The following SEMA6B variants were observed in gnomAD, a reference collection of about 807,000 sequenced individuals.
SEMA6B encodes the protein semaphorin-6B.
A neutral mutation model predicts 78.6 loss-of-function variants in SEMA6B; 47 were observed. That is an observed-to-expected ratio of 0.60 (90% CI 0.47 to 0.76). SEMA6B has a LOEUF of 0.76. SEMA6B is among the 30% of genes least tolerant of loss of function. SEMA6B has a pLI of 0.00. For missense variants in SEMA6B, 1,213 were observed against 1,269.9 expected (o/e 0.96, Z 0.68); for synonymous variants, 632 against 592.2 (o/e 1.07, Z -0.98).
At chr19:4,551,105 T>C (rs1023026811) in intron 10 of SEMA6B, among the ~76,000 whole-genome samples, 175 bp from the exon 11 acceptor site, 2 of 151,832 alleles carry the variant, frequency 1.3e-5, no homozygotes, top group African/African-American at 2.4e-5. Context: ...GAATAACATC[T>C]CAGATTGGGC....
At chr19:4,556,855 CT>C (rs1191816496) in intron 5 of SEMA6B, 95 bp downstream of exon 5, 1 of 1,074,326 alleles carries the variant, frequency 9.3e-7, no homozygotes, top group East Asian at 3.0e-5. Flanking sequence ...GTGGCCAGGG[CT>C]GGCGGGGTGG....
At position 4,555,115 on chromosome 19, in the gene SEMA6B, A is replaced by G; in HGVS notation, c.563-20T>C. 1 of 1,612,748 alleles carries G rather than the reference A, an allele frequency of 6.2e-7. No individual in the cohort carries two copies. Among genetic ancestry groups the G allele is most frequent in the Non-Finnish European group, 8.5e-7 (1 of 1,179,700 alleles). Reference sequence around the variant, plus strand: ...TCCCGTCTGGATGGGGTGGGTGGGGAAGGCAGGCAAGAGATGAGACCGCAG... The same window carrying G: ...TCCCGTCTGGATGGGGTGGGTGGGGGAGGCAGGCAAGAGATGAGACCGCAG... On this transcript the variant is annotated intron_variant, in intron 7 of 16. Transcript: ENST00000586582. The surrounding 1 kb of genome is among the most constrained non-coding windows in gnomAD (Gnocchi z 6.1).
Position 4,543,839 on chromosome 19 carries a change from G to A in SEMA6B, c.2429C>T (p.Pro810Leu). 3 of 1,212,658 alleles carry A rather than the reference G, an allele frequency of 2.5e-6. No homozygotes were observed. The highest frequency in any genetic ancestry group is 3.1e-6 in the Non-Finnish European group (3 of 975,792). The allele number at this position is 1,212,658 out of a possible 1,614,324, so 75.1% of individuals were successfully genotyped here. The change falls in exon 17 of 17, where the codon CCA (proline) becomes CTA (leucine). Residue 810 changes from proline to leucine, a missense_variant. Coordinates refer to ENST00000586582, the MANE Select transcript of SEMA6B (RefSeq NM_032108.4). Reference sequence around the variant, plus strand: ...CGGGAGGCCATCGGCGGCTGAGGCTGGGTCCAAGGGGCCCGTGGGCGCGGA... The same window carrying A: ...CGGGAGGCCATCGGCGGCTGAGGCTAGGTCCAAGGGGCCCGTGGGCGCGGA... ...VVSAPTGPLDPASAADGLPRP... is the reference protein window; with the variant it reads ...VVSAPTGPLDLASAADGLPRP...
intron 12 of SEMA6B, 130 bp downstream of exon 12, chr19:4,549,989 GTCTC>G (rs754876814): frequency 3.9e-6 from 3 of 775,064 alleles, no homozygotes; most frequent in South Asian, 1.8e-5. Context: ...TTCCCTCTCT[GTCTC>G]TCTGTGTCTC....
chr19:4,546,909 G>A (rs1371948164), intron 14 of SEMA6B, among the ~76,000 whole-genome samples: 1 of 151,406 alleles, frequency 6.6e-6, no homozygotes, highest in Non-Finnish European at 1.5e-5. Flanking sequence ...AGCCACCACG[G>A]CTGGCGTTTT....
chr19:4,553,413 A>ATGGATG (rs1977384124), intron 9 of SEMA6B, among the ~76,000 whole-genome samples: 1 of 35,444 alleles, frequency 2.8e-5, no homozygotes, highest in Admixed American at 3.0e-4. Context: ...ATGGATGGAT[A>ATGGATG]GGTGAGTTGG....
At position 4,555,495 on chromosome 19, in the gene SEMA6B, C is replaced by G; in HGVS notation, c.541G>C (p.Ala181Pro). 6.2e-7 allele frequency: 1 copy of G among 1,612,908 alleles called. No homozygotes were observed. Among genetic ancestry groups the G allele is most frequent in the Non-Finnish European group, 8.5e-7 (1 of 1,179,576 alleles). Residue 181 changes from alanine (A) to proline (P), a missense_variant, in exon 7 of 17, where the codon GCC becomes CCC. Transcript: ENST00000586582. This position sits in a 1 kb window ranked among gnomAD's most constrained non-coding sequence, Gnocchi z 6.1. ...TTACCAGAGAAGAGGGCAACATTGG[C>G]GTGCTTGGGGTCGTACGGGCAGCGG... The part of the protein sequence containing the change: ...MARCPYDPKH[A>P]NVALFSDGML...
intron 16 of SEMA6B, 120 bp downstream of exon 16, chr19:4,546,096 T>C: frequency 9.3e-7 from 1 of 1,076,020 alleles, no homozygotes; most frequent in Non-Finnish European, 1.3e-6. Flanking sequence ...TAAAGTTCTC[T>C]GATGGAGTCC....
chr19:4,554,455 A>G lies in SEMA6B; in HGVS notation c.704T>C (p.Val235Ala). 1 of 1,613,836 alleles carries G rather than the reference A, an allele frequency of 6.2e-7. No individual in the cohort carries two copies. The highest frequency in any genetic ancestry group is 1.6e-4 in the Middle Eastern group (1 of 6,062). Residue 235 changes from valine (V) to alanine (A), a missense_variant, in exon 9 of 17, where the codon GTG becomes GCG. Physicochemically the swap from Val to Ala is moderately conservative, Grantham distance 64 (BLOSUM62 0). Coordinates refer to ENST00000586582, the MANE Select transcript of SEMA6B (RefSeq NM_032108.4). ...GAAGTAGACATGGCTGCCCCACTCC[A>G]CCGCATGGACAAAGTAAGGCTCTGC... is the stretch of plus-strand genomic sequence containing the variant. The part of the protein sequence containing the change: ...WFKEPYFVHA[V>A]EWGSHVYFFF...
chr19:4,543,597 C>T lies in SEMA6B; in HGVS notation c.*4G>A. The T allele has an allele frequency of 1.6e-6, 2 of 1,229,504 alleles. No individual in the cohort carries two copies. Among genetic ancestry groups the T allele is most frequent in the South Asian group, 4.0e-5 (1 of 25,002 alleles). The allele number at this position is 1,229,504 out of a possible 1,614,324, so 76.2% of individuals were successfully genotyped here. On this transcript the variant is annotated 3_prime_UTR_variant, in exon 17 of 17. Transcript: ENST00000586582. ...CACTGCCAAGGCATCGGGGGGCCCC[C>T]GGCCTAGGGCACGGGGGGCGCAGTC... is the stretch of plus-strand genomic sequence containing the variant.
chr19:4,555,489 C>T lies in SEMA6B; in HGVS notation c.547G>A (p.Val183Ile), dbSNP rs928628454. The change falls in exon 7 of 17, where the codon GTT becomes ATT. Residue 183 changes from valine to isoleucine, a missense_variant. Coordinates refer to ENST00000586582, the MANE Select transcript of SEMA6B (RefSeq NM_032108.4). This position sits in a 1 kb window ranked among gnomAD's most constrained non-coding sequence, Gnocchi z 6.1. ...GGGTACTTACCAGAGAAGAGGGCAA[C>T]ATTGGCGTGCTTGGGGTCGTACGGG... ...RCPYDPKHAN[V>I]ALFSDGMLFT... 1.6e-5 allele frequency: 25 copies of T among 1,612,822 alleles called. No individual in the cohort carries two copies. The highest frequency in any genetic ancestry group is 5.3e-5 in the African/African-American group (4 of 74,840).
At position 4,550,738 on chromosome 19, in the gene SEMA6B, C is replaced by T. The variant is rs915747748; in HGVS notation, c.1121+61G>A. 1.9e-6 allele frequency: 3 copies of T among 1,594,114 alleles called. No individual in the cohort carries two copies. The highest frequency in any genetic ancestry group is 2.7e-5 in the African/African-American group (2 of 74,480). ...AAATAACCACCCGGAAGCCCCAGCC[C>T]TCGGCCCTGGGGATCAGGACCTCAT... On this transcript the variant is annotated intron_variant, in intron 11 of 16. Transcript: ENST00000586582. The surrounding 1 kb of genome is among the most constrained non-coding windows in gnomAD (Gnocchi z 6.6).
At position 4,553,800 on chromosome 19, in the gene SEMA6B, G is replaced by A. The variant is rs1381272308; in HGVS notation, c.771+588C>T. Among the ~76,000 whole-genome samples the A allele has an allele frequency of 2.0e-5, 3 of 147,224 alleles. No homozygotes were observed. In the East Asian group the frequency reaches 6.2e-4, roughly 30 times the overall value. On this transcript the variant is annotated intron_variant, in intron 9 of 16. Coordinates refer to ENST00000586582, the MANE Select transcript of SEMA6B (RefSeq NM_032108.4). Reference sequence around the variant, plus strand: ...GATGGATGGGTGGATGGGATGGATGGATGGATGAATGGATGGGTGAATGGA... The same window carrying A: ...GATGGATGGGTGGATGGGATGGATGAATGGATGAATGGATGGGTGAATGGA...
chr19:4,552,516 G>T lies in SEMA6B; in HGVS notation c.895C>A (p.His299Asn). 6.2e-7 allele frequency: 1 copy of T among 1,612,800 alleles called. No homozygotes were observed. The highest frequency in any genetic ancestry group is 1.7e-5 in the Admixed American group (1 of 59,998). ...RLNCSVPGDSHFYFNVLQAVT... is the reference protein window; with the variant it reads ...RLNCSVPGDSNFYFNVLQAVT... ...GCCTGCAGCACGTTGAAGTAGAAAT[G>T]GGAGTCTCCGGGTACAGAGCAGTTG... is the stretch of plus-strand genomic sequence containing the variant. The change falls in exon 10 of 17, where the codon CAT becomes AAT. Residue 299 changes from histidine (H) to asparagine (N), a missense_variant. Physicochemically the swap from His to Asn is moderately conservative, Grantham distance 68. Coordinates refer to ENST00000586582, the MANE Select transcript of SEMA6B (RefSeq NM_032108.4). This position sits in a 1 kb window ranked among gnomAD's most constrained non-coding sequence, Gnocchi z 7.4.
At position 4,550,284 on chromosome 19, in the gene SEMA6B, A is replaced by G. The variant is rs369038175; in HGVS notation, c.1122-12T>C. 23 of 1,613,356 alleles carry G rather than the reference A, an allele frequency of 1.4e-5. No individual in the cohort carries two copies. In the East Asian group the frequency reaches 1.6e-4, roughly 11 times the overall value. On this transcript the variant is annotated splice_polypyrimidine_tract_variant and intron_variant, in intron 11 of 16. Transcript: ENST00000586582. This position sits in a 1 kb window ranked among gnomAD's most constrained non-coding sequence, Gnocchi z 6.6. The stretch of plus-strand genomic sequence containing the variant: ...CGCAGCACCCGGGCCTGGGGGTGAC[A>G]AGGGTGTGGTCAGGACGAACGTAAA...
chr19:4,544,000 G>A lies in SEMA6B; in HGVS notation c.2268C>T (p.Ala756=), dbSNP rs908324798. 1 of 1,209,844 alleles carries A rather than the reference G, an allele frequency of 8.3e-7. No homozygotes were observed. The highest frequency in any genetic ancestry group is 1.0e-6 in the Non-Finnish European group (1 of 974,160). The allele number at this position is 1,209,844 out of a possible 1,614,324, so 74.9% of individuals were successfully genotyped here. ...GCGCGGGGGGCTGCTCGGGGGCCCG[G>A]GCGGGCGCCAGCAGCAGGAGGGAGG... ...ASSSLLLLAP[A]RAPEQPPAPG... Residue 756 remains alanine, a synonymous_variant, in exon 17 of 17, where the codon GCC becomes GCT. Coordinates refer to ENST00000586582, the MANE Select transcript of SEMA6B (RefSeq NM_032108.4).
chr19:4,559,193 A>C (rs76443312), intron 1 of SEMA6B, among the ~76,000 whole-genome samples: 1 of 28,640 alleles, frequency 3.5e-5, no homozygotes. Context: ...GACTCCATCC[A>C]AAAAAAAAAA....
Position 4,546,399 on chromosome 19 carries a change from C to T in SEMA6B, c.1672G>A (p.Gly558Ser). ...CTCCCTCTCCCGCAGTACCTGGTGCCCGGGCTGAGGAAGATGCAGGAGCCG... is the reference window on the plus strand; with the variant it reads ...CTCCCTCTCCCGCAGTACCTGGTGCTCGGGCTGAGGAAGATGCAGGAGCCG... ...PDGSCIFLSP[G>S]TRAAFEQDVS... Residue 558 changes from glycine (G) to serine (S), a missense_variant, in exon 15 of 17, where the codon GGC (glycine) becomes AGC (serine). Transcript: ENST00000586582. The T allele has an allele frequency of 1.3e-6, 2 of 1,584,230 alleles. No individual in the cohort carries two copies. The highest frequency in any genetic ancestry group is 2.3e-5 in the East Asian group (1 of 43,102).
In SEMA6B at chr19:4,544,478, T is replaced by G. The variant is rs1161368276; in HGVS notation, c.1790A>C (p.Asn597Thr). The G allele has an allele frequency of 2.5e-6, 4 of 1,594,630 alleles. No homozygotes were observed. Among genetic ancestry groups the G allele is most frequent in the East Asian group, 2.3e-5 (1 of 43,002 alleles). Residue 597 changes from asparagine to threonine, a missense_variant, in exon 17 of 17, where the codon AAC becomes ACC. Physicochemically the swap from Asn to Thr is moderately conservative, Grantham distance 65. Transcript: ENST00000586582. This position sits in a 1 kb window ranked among gnomAD's most constrained non-coding sequence, Gnocchi z 5.1. ...CGCCACCGACGACGTTACCAGCAGGTTCACCGACACCAGCCCCGCGCGGTC... is the reference window on the plus strand; with the variant it reads ...CGCCACCGACGACGTTACCAGCAGGGTCACCGACACCAGCCCCGCGCGGTC... ...SEDRAGLVSV[N>T]LLVTSSVAAF...
Sources: gnomAD v4.1 joint callset for allele counts (sites outside exome capture counted in the v4.1 genomes callset) on GRCh38, gnomAD v4.1.1 for gene constraint, Gnocchi (gnomAD v3.1) non-coding constraint, MANE v1.5 for transcripts, NCBI Gene and HGNC (gene_info 2026-07-23, HGNC 2026-07-21) for gene names.